The following MACROD2 variants were observed in gnomAD, a reference collection of about 807,000 sequenced individuals.
MACROD2 encodes ADP-ribose glycohydrolase MACROD2.
Under a neutral mutation model 70.4 loss-of-function variants are expected in MACROD2, and 36 were observed. That is an observed-to-expected ratio of 0.51 (90% confidence interval 0.39 to 0.68). MACROD2 has a LOEUF of 0.68. Ranked by LOEUF, MACROD2 falls within the 30% of genes least tolerant of loss-of-function variation. The probability of loss-of-function intolerance (pLI) is 0.00; values close to 1 mark genes in which losing one functional copy is unlikely to be tolerated. For synonymous variants in MACROD2, 172 were observed against 178.8 expected (o/e 0.96, Z 0.30); for missense variants, 496 against 538.4 (o/e 0.92, Z 0.78).
intron 15 of MACROD2, among the ~76,000 whole-genome samples, chr20:16,024,798 A>C (rs981942360): frequency 1.3e-5 from 2 of 152,252 alleles, no homozygotes; most frequent in Non-Finnish European, 2.9e-5. Context: ...TTCTAGCTGC[A>C]TTATTTTCAA....
chr20:14,616,660 A>G (rs1983499185), intron 4 of MACROD2, among the ~76,000 whole-genome samples: 2 of 152,104 alleles, frequency 1.3e-5, no homozygotes, highest in African/African-American at 4.8e-5. Flanking sequence ...ACTGCCTTCT[A>G]GGGGACTCAG....
At chr20:15,359,025 G>C (rs1490379472) in intron 6 of MACROD2, among the ~76,000 whole-genome samples, 1 of 152,086 alleles carries the variant, frequency 6.6e-6, no homozygotes, top group Non-Finnish European at 1.5e-5. Flanking sequence ...TCTTAGTATG[G>C]ATATGAAATA....
intron 6 of MACROD2, among the ~76,000 whole-genome samples, chr20:15,401,471 A>G (rs977291736): frequency 6.6e-6 from 1 of 152,158 alleles, no homozygotes; most frequent in African/African-American, 2.4e-5. Context: ...TATTCCACTA[A>G]TATGAGCTAT....
intron 5 of MACROD2, among the ~76,000 whole-genome samples, chr20:15,149,712 T>C (rs2076255543): frequency 6.6e-6 from 1 of 152,050 alleles, no homozygotes; most frequent in South Asian, 2.1e-4. Context: ...CACGGAGACA[T>C]GATGGCCAGC....
intron 8 of MACROD2, among the ~76,000 whole-genome samples, chr20:15,782,717 C>CAAAAAAAAAAG (rs2051854568): frequency 1.2e-5 from 1 of 83,358 alleles, no homozygotes; most frequent in Non-Finnish European, 2.4e-5. Context: ...AGAGAAATGG[C>CAAAAAAAAAAG]AAAAAAAAAA....
intron 5 of MACROD2, among the ~76,000 whole-genome samples, chr20:15,184,110 A>G (rs1235611423): frequency 6.6e-6 from 1 of 152,172 alleles, no homozygotes; most frequent in African/African-American, 2.4e-5. Context: ...AATTATTAGC[A>G]ACAAAAAATT....
intron 2 of MACROD2, among the ~76,000 whole-genome samples, chr20:14,021,380 T>C (rs1161258490): frequency 4.2e-4 from 64 of 152,148 alleles, no homozygotes; most frequent in Admixed American, 4.1e-3. Flanking sequence ...GGTCTGTGAG[T>C]CTGTAGCGGC....
At chr20:15,569,978 A>ATT (rs2048356196) in intron 8 of MACROD2, among the ~76,000 whole-genome samples, 1 of 152,100 alleles carries the variant, frequency 6.6e-6, no homozygotes, top group Non-Finnish European at 1.5e-5. Context: ...TGACATATTA[A>ATT]TTTTATTTCC....
At chr20:15,273,821 T>A (rs140935704) in intron 6 of MACROD2, among the ~76,000 whole-genome samples, 1 of 152,212 alleles carries the variant, frequency 6.6e-6, no homozygotes, top group African/African-American at 2.4e-5. Context: ...TTTCCCCATC[T>A]AATAACTACA....
At chr20:15,328,142 C>A (rs900261752) in intron 6 of MACROD2, among the ~76,000 whole-genome samples, 3 of 151,910 alleles carry the variant, frequency 2.0e-5, no homozygotes, top group Non-Finnish European at 4.4e-5. Context: ...TTAGGACAGG[C>A]CTCATTAGGA....
At chr20:14,626,547 A>C (rs1203974263) in intron 4 of MACROD2, among the ~76,000 whole-genome samples, 1 of 152,116 alleles carries the variant, frequency 6.6e-6, no homozygotes, top group East Asian at 1.9e-4. Flanking sequence ...GGCTATGTTT[A>C]CCTAGAATTC....
At chr20:15,649,864 T>C (rs1040797529) in intron 8 of MACROD2, among the ~76,000 whole-genome samples, 2 of 152,206 alleles carry the variant, frequency 1.3e-5, no homozygotes, top group Non-Finnish European at 2.9e-5. Context: ...AGATGTCACA[T>C]ATACAAAATT....
intron 8 of MACROD2, among the ~76,000 whole-genome samples, chr20:15,754,351 G>C (rs978130132): frequency 2.0e-5 from 3 of 152,162 alleles, no homozygotes; most frequent in Non-Finnish European, 2.9e-5. Flanking sequence ...GGCCAAGCGC[G>C]GTGGCTCACG....
At chr20:14,715,228 G>A (rs2071384232) in intron 5 of MACROD2, among the ~76,000 whole-genome samples, 1 of 152,036 alleles carries the variant, frequency 6.6e-6, no homozygotes, top group Non-Finnish European at 1.5e-5. Context: ...GATCTCATGA[G>A]GACTTACTAT....
intron 3 of MACROD2, among the ~76,000 whole-genome samples, chr20:14,091,252 T>C (rs951101554): frequency 6.6e-6 from 1 of 152,196 alleles, no homozygotes; most frequent in Non-Finnish European, 1.5e-5. Flanking sequence ...TTTGAGGCTG[T>C]CCCATTTGTC....
intron 5 of MACROD2, among the ~76,000 whole-genome samples, chr20:15,138,650 G>T (rs929046374): frequency 1.6e-4 from 25 of 152,138 alleles, no homozygotes; most frequent in Non-Finnish European, 2.9e-4. Context: ...CATACTGGGG[G>T]TGCTCTGCCA....
intron 5 of MACROD2, among the ~76,000 whole-genome samples, chr20:15,083,472 T>G (rs549299215): frequency 6.6e-6 from 1 of 152,318 alleles, no homozygotes; most frequent in East Asian, 1.9e-4. Flanking sequence ...GGTTGCTTAT[T>G]TGTCACAACT....
At chr20:14,444,931 C>T (rs1475421718) in intron 3 of MACROD2, among the ~76,000 whole-genome samples, 1 of 151,932 alleles carries the variant, frequency 6.6e-6, no homozygotes, top group African/African-American at 2.4e-5. Flanking sequence ...CCTATGACCA[C>T]CATCATCCTG....
chr20:14,480,504 G>A (rs759573330), intron 3 of MACROD2, among the ~76,000 whole-genome samples: 1 of 152,056 alleles, frequency 6.6e-6, no homozygotes, highest in Non-Finnish European at 1.5e-5. Flanking sequence ...ATTACAACTA[G>A]TTTTAGTAAG....
Sources: allele counts gnomAD v4.1 joint callset (sites outside exome capture counted in the v4.1 genomes callset), GRCh38; gene constraint gnomAD v4.1.1; transcripts MANE v1.5; gene names NCBI Gene and HGNC (gene_info 2026-07-23, HGNC 2026-07-21).